Variants in THSD7B observed in about 807,000 individuals in gnomAD.
THSD7B encodes the protein thrombospondin type-1 domain-containing protein 7B.
In THSD7B, 138 loss-of-function variants were observed where a neutral mutation model predicts 213.6. That is an observed-to-expected ratio of 0.65 (90% CI 0.56 to 0.74). THSD7B has a LOEUF of 0.74. Among genes scored for constraint, THSD7B ranks in the 30% least tolerant of loss-of-function variants. The pLI is 0.00. For missense variants in THSD7B, 1,931 were observed against 1,991.5 expected (o/e 0.97, Z 0.58); for synonymous variants, 742 against 687.0 (o/e 1.08, Z -1.25).
At chr2:137,198,132 G>A (rs531485243) in intron 7 of THSD7B, among the ~76,000 whole-genome samples, 4 of 152,194 alleles carry the variant, frequency 2.6e-5, no homozygotes, top group South Asian at 2.1e-4. Flanking sequence ...AAAGAGAAAT[G>A]GAAATACTAA....
chr2:136,876,798 G>T (rs186373668), intron 1 of THSD7B, among the ~76,000 whole-genome samples: 142 of 152,324 alleles, frequency 9.3e-4, no homozygotes, highest in African/African-American at 3.3e-3. Flanking sequence ...CTTCTAGCTG[G>T]AATGGGGAGC....
chr2:137,282,272 T>G (rs1195315062), intron 12 of THSD7B, among the ~76,000 whole-genome samples: 1 of 152,274 alleles, frequency 6.6e-6, no homozygotes, highest in African/African-American at 2.4e-5. Context: ...TCTTGTAAAT[T>G]TGTTTGAGTT....
rs1226327629 is a variant in THSD7B, at chr2:137,535,857, AAG to A, written c.3139-27362_3139-27361del. Among the ~76,000 whole-genome samples the A allele has an allele frequency of 2.6e-5, 4 of 151,562 alleles. No homozygotes were observed. The East Asian group carries it at 7.9e-4, about 30-fold the overall frequency. ...GGGGGATGCTGCGGAGGCCTCAAGAAAGAATATTATCAGTGGGGGGAACAGAC... is the reference window on the plus strand; with the variant it reads ...GGGGGATGCTGCGGAGGCCTCAAGAAAATATTATCAGTGGGGGGAACAGAC... On this transcript the variant is annotated intron_variant, in intron 15 of 27. Transcript: ENST00000409968.
intron 3 of THSD7B, among the ~76,000 whole-genome samples, chr2:137,086,393 C>T (rs1386130425): frequency 6.6e-6 from 1 of 152,032 alleles, no homozygotes; most frequent in Non-Finnish European, 1.5e-5. Context: ...GCTATAGGGG[C>T]AAAACCATTT....
intron 15 of THSD7B, among the ~76,000 whole-genome samples, chr2:137,493,782 TA>T (rs1160743388): frequency 6.6e-6 from 1 of 152,212 alleles, no homozygotes; most frequent in Non-Finnish European, 1.5e-5. Context: ...TTTAATTTTT[TA>T]TTCTTTCATT....
chr2:137,138,448 C>A (rs1193308362), intron 5 of THSD7B, among the ~76,000 whole-genome samples: 1 of 152,044 alleles, frequency 6.6e-6, no homozygotes, highest in Admixed American at 6.6e-5. Context: ...ATGGTGGTTT[C>A]TCCTTGTGGT....
At chr2:136,964,525 G>A (rs953544598) in intron 2 of THSD7B, among the ~76,000 whole-genome samples, 18 of 152,114 alleles carry the variant, frequency 1.2e-4, no homozygotes, top group Non-Finnish European at 2.5e-4. Context: ...TGACTTCTCA[G>A]GGGAATCACT....
intron 5 of THSD7B, among the ~76,000 whole-genome samples, chr2:137,150,029 G>A: frequency 6.6e-6 from 1 of 152,144 alleles, no homozygotes; most frequent in Non-Finnish European, 1.5e-5. Flanking sequence ...ATCACCTGAG[G>A]TCAGGAGTTC....
chr2:137,572,471 T>C lies in THSD7B; in HGVS notation c.3338T>C (p.Ile1113Thr). 3 of 1,613,910 alleles carry C rather than the reference T, an allele frequency of 1.9e-6. No individual in the cohort carries two copies. Among genetic ancestry groups the C allele is most frequent in the Non-Finnish European group, 2.5e-6 (3 of 1,179,844 alleles). The change falls in exon 17 of 28, where the codon ATT (isoleucine) becomes ACT (threonine). Residue 1113 changes from isoleucine to threonine, a missense_variant. Ile to Thr is a moderately conservative substitution (Grantham distance 89). Transcript: ENST00000409968. ...AGCAACCTGTGCAACCAGGATGAAATTCCCCCAGAAACCCAGTCCTGTTCT... is the reference window on the plus strand; with the variant it reads ...AGCAACCTGTGCAACCAGGATGAAACTCCCCCAGAAACCCAGTCCTGTTCT... ...VDSNLCNQDE[I>T]PPETQSCSLM...
At chr2:137,579,908 C>T (rs1258021045) in intron 17 of THSD7B, among the ~76,000 whole-genome samples, 1 of 151,970 alleles carries the variant, frequency 6.6e-6, no homozygotes, top group Non-Finnish European at 1.5e-5. Context: ...TAGTGGTATT[C>T]CTGGAAAGAG....
intron 2 of THSD7B, among the ~76,000 whole-genome samples, chr2:136,937,466 G>A (rs925272816): frequency 8.6e-5 from 13 of 151,992 alleles, no homozygotes; most frequent in Middle Eastern, 3.2e-3. Context: ...GTTGGCAGGC[G>A]TACTTTATGC....
chr2:136,798,264 A>G (rs1338043534), intron 1 of THSD7B, among the ~76,000 whole-genome samples: 1 of 142,074 alleles, frequency 7.0e-6, no homozygotes, highest in East Asian at 1.9e-4. Context: ...ATACATTAGG[A>G]TATGCCTGCC....
chr2:137,057,104 A>G lies in THSD7B; in HGVS notation c.824A>G (p.Glu275Gly). The G allele has an allele frequency of 6.2e-7, 1 of 1,614,020 alleles. No individual in the cohort carries two copies. The highest frequency in any genetic ancestry group is 8.5e-7 in the Non-Finnish European group (1 of 1,179,898). The change falls in exon 3 of 28, where the codon GAG (glutamate) becomes GGG (glycine). Residue 275 changes from glutamate (E) to glycine (G), a missense_variant. Glu to Gly is a moderately conservative substitution (Grantham distance 98, BLOSUM62 -2). Transcript: ENST00000409968. ...CTGGATTTTAACTCTGATTCAAATG[A>G]GCGAGTCACCTTTAAACATCAAAGT... ...TVLDFNSDSN[E>G]RVTFKHQSYK...
At chr2:136,825,598 A>C (rs1288133206) in intron 1 of THSD7B, among the ~76,000 whole-genome samples, 1 of 151,794 alleles carries the variant, frequency 6.6e-6, no homozygotes, top group African/African-American at 2.4e-5. Context: ...TCTGTCGCCC[A>C]GGCTGGAGTG....
chr2:137,169,348 C>G (rs1680197778), intron 6 of THSD7B, among the ~76,000 whole-genome samples: 1 of 148,178 alleles, frequency 6.7e-6, no homozygotes, highest in East Asian at 2.0e-4. Context: ...TCTTGTTTCT[C>G]AAAACCACAT....
intron 2 of THSD7B, among the ~76,000 whole-genome samples, chr2:137,020,630 C>A (rs1686425511): frequency 6.6e-6 from 1 of 152,140 alleles, no homozygotes; most frequent in Admixed American, 6.5e-5. Flanking sequence ...CTCCCCAGAG[C>A]TCCACTGACA....
At chr2:136,771,176 T>C (rs565932453) in intron 1 of THSD7B, among the ~76,000 whole-genome samples, 19 of 152,322 alleles carry the variant, frequency 1.2e-4, no homozygotes, top group African/African-American at 4.1e-4. Context: ...TATTTCATAT[T>C]GACTTCCATT....
At chr2:137,404,086 A>C (rs1304900360) in intron 12 of THSD7B, among the ~76,000 whole-genome samples, 2 of 152,320 alleles carry the variant, frequency 1.3e-5, no homozygotes, top group East Asian at 3.9e-4. Context: ...AAACAAAATA[A>C]ATAGCATTAG....
chr2:137,406,225 T>C (rs1686513592), intron 13 of THSD7B, among the ~76,000 whole-genome samples: 1 of 152,210 alleles, frequency 6.6e-6, no homozygotes, highest in Non-Finnish European at 1.5e-5. Flanking sequence ...GCCATTATCT[T>C]ATAAGCAATT....
Sources: allele counts gnomAD v4.1 joint callset (sites outside exome capture counted in the v4.1 genomes callset), GRCh38; gene constraint gnomAD v4.1.1; transcripts MANE v1.5; gene names NCBI Gene and HGNC (gene_info 2026-07-23, HGNC 2026-07-21).